TRIM67: variants seen among roughly 807,000 people sequenced by gnomAD.
The protein encoded by TRIM67 is tripartite motif containing 67.
In TRIM67, 39 loss-of-function variants were observed where a neutral mutation model predicts 71.0. That is an observed-to-expected ratio of 0.55 (90% CI 0.43 to 0.72). The LOEUF (loss-of-function observed/expected upper bound fraction) is 0.72. Ranked by LOEUF, TRIM67 falls within the 30% of genes least tolerant of loss-of-function variation. The probability of loss-of-function intolerance (pLI) is 0.00; values close to 1 mark genes in which losing one functional copy is unlikely to be tolerated. For missense variants in TRIM67, 973 were observed against 1,079.2 expected, an observed-to-expected ratio of 0.90 and a Z score of 1.38; for synonymous variants, 481 against 473.9, an observed-to-expected ratio of 1.01 and a Z score of -0.19.
chr1:231,187,873 T>C lies in TRIM67; in HGVS notation c.1045-9498T>C, dbSNP rs191751049. 2.0e-5 allele frequency among the ~76,000 whole-genome samples: 3 copies of C among 152,278 alleles called. No individual in the cohort carries two copies. In the East Asian group the frequency reaches 5.8e-4, roughly 29 times the overall value. ...TGGGAACAAGAAAGTAGCTCAGCAC[T>C]CCAGACGCCTAAGATGAAAGCTTGG... On this transcript the variant is annotated intron_variant, in intron 1 of 9. Coordinates refer to ENST00000366653, the MANE Select transcript of TRIM67 (RefSeq NM_001004342.5).
At position 231,219,444 on chromosome 1, in the gene TRIM67, T is replaced by G; in HGVS notation, c.*4004T>G. 2 of 1,042,016 alleles carry G rather than the reference T, an allele frequency of 1.9e-6. No homozygotes were observed. The highest frequency in any genetic ancestry group is 2.3e-6 in the Non-Finnish European group (2 of 865,074). The allele number at this position is 1,042,016 out of a possible 1,614,324, so 64.5% of individuals were successfully genotyped here. A position where few individuals can be genotyped will look rare whatever the true frequency, so the allele number is the denominator to read the frequency against. On this transcript the variant is annotated 3_prime_UTR_variant, in exon 10 of 10. Coordinates refer to ENST00000366653, the MANE Select transcript of TRIM67 (RefSeq NM_001004342.5). ...CTTTGTTCCATAGAAAGCCTGTATG[T>G]GACAAAGCTGCCAGCCTTTATCTTG...
chr1:231,180,846 C>T (rs1393552262), intron 1 of TRIM67, among the ~76,000 whole-genome samples: 1 of 152,172 alleles, frequency 6.6e-6, no homozygotes, highest in Non-Finnish European at 1.5e-5. Flanking sequence ...TCTGCTGTCC[C>T]TCTGGGAGAA....
chr1:231,163,856 C>G lies in TRIM67; in HGVS notation c.887C>G (p.Thr296Arg). The change falls in exon 1 of 10, where the codon ACG becomes AGG. Residue 296 changes from threonine to arginine, a missense_variant. By Grantham distance (71) the Thr-to-Arg change is moderately conservative. This residue lies in a region of TRIM67 where 795 missense variants were observed against 831.3 expected (regional missense o/e 0.96). Coordinates refer to ENST00000366653, the MANE Select transcript of TRIM67 (RefSeq NM_001004342.5). ...GGGGCGGGGGCGACTGGGGGCAGCACGGCCCGCAAGTTCCCCACGTGTCCC... is the reference window on the plus strand; with the variant it reads ...GGGGCGGGGGCGACTGGGGGCAGCAGGGCCCGCAAGTTCCCCACGTGTCCC... ...GAGAGATGGSTARKFPTCPEH... is the reference protein window; with the variant it reads ...GAGAGATGGSRARKFPTCPEH... 6.4e-7 allele frequency: 1 copy of G among 1,561,082 alleles called. No homozygotes were observed. Among genetic ancestry groups the G allele is most frequent in the Non-Finnish European group, 8.7e-7 (1 of 1,153,536 alleles).
intron 1 of TRIM67, chr1:231,187,390 T>C: frequency 1.1e-6 from 1 of 887,510 alleles, no homozygotes; most frequent in Non-Finnish European, 1.6e-6. Context: ...GCCTCTACCT[T>C]TTAATTTTTT....
At chr1:231,175,516 T>C (rs1682722991) in intron 1 of TRIM67, among the ~76,000 whole-genome samples, 1 of 152,220 alleles carries the variant, frequency 6.6e-6, no homozygotes, top group South Asian at 2.1e-4. Flanking sequence ...CATCCACATA[T>C]TGGGCCAGTT....
chr1:231,193,219 G>A (rs193078198), intron 1 of TRIM67, among the ~76,000 whole-genome samples: 30 of 152,306 alleles, frequency 2.0e-4, no homozygotes, highest in African/African-American at 6.0e-4. Flanking sequence ...TTATTCAGCC[G>A]GGGAGCATTC....
intron 9 of TRIM67, 138 bp from the exon 10 acceptor site, chr1:231,215,237 T>A: frequency 7.7e-7 from 1 of 1,304,986 alleles, no homozygotes; most frequent in Non-Finnish European, 1.0e-6. Flanking sequence ...TATTCAACAG[T>A]CCACAGCAGC....
chr1:231,210,502 C>G (rs913019864), intron 8 of TRIM67, among the ~76,000 whole-genome samples: 3 of 151,226 alleles, frequency 2.0e-5, no homozygotes, highest in Non-Finnish European at 4.4e-5. Context: ...TGCCTCTGCC[C>G]GGACACTGCA....
At position 231,216,992 on chromosome 1, in the gene TRIM67, T is replaced by G; in HGVS notation, c.*1552T>G. On this transcript the variant is annotated 3_prime_UTR_variant, in exon 10 of 10. Coordinates refer to ENST00000366653, the MANE Select transcript of TRIM67 (RefSeq NM_001004342.5). ...GAAGTGACTTGTCAATTTGCTGGACTGGATTTTTATAAAATTCGCCCATTC... is the reference window on the plus strand; with the variant it reads ...GAAGTGACTTGTCAATTTGCTGGACGGGATTTTTATAAAATTCGCCCATTC... 1.0e-6 allele frequency: 1 copy of G among 985,914 alleles called. No homozygotes were observed. Among genetic ancestry groups the G allele is most frequent in the South Asian group, 4.7e-5 (1 of 21,290 alleles). 61.1% of individuals were successfully genotyped at this position (985,914 alleles called of 1,614,324 possible). A position where few individuals can be genotyped will look rare whatever the true frequency, so the allele number is the denominator to read the frequency against.
rs373338260 is a variant in TRIM67 at position 231,209,833 on chromosome 1, G to A, written c.2123+583G>A. ...GGCTTTGCCCTGAGACTGGCCCTGGGAGTAGGGTCACCAGCATGGACACAG... is the reference window on the plus strand; with the variant it reads ...GGCTTTGCCCTGAGACTGGCCCTGGAAGTAGGGTCACCAGCATGGACACAG... On this transcript the variant is annotated intron_variant, in intron 8 of 9. Transcript: ENST00000366653. The surrounding 1 kb of genome is among the most constrained non-coding windows in gnomAD (Gnocchi z 4.1). Among the ~76,000 whole-genome samples the A allele has an allele frequency of 6.6e-6, 1 of 152,188 alleles. No homozygotes were observed. Among genetic ancestry groups the A allele is most frequent in the East Asian group, 1.9e-4 (1 of 5,190 alleles).
In TRIM67 at chr1:231,203,860, C is replaced by T. The variant is rs1291415482; in HGVS notation, c.1535-7C>T. 3 of 1,612,218 alleles carry T rather than the reference C, an allele frequency of 1.9e-6. No homozygotes were observed. The highest frequency in any genetic ancestry group is 2.2e-5 in the South Asian group (2 of 90,874). On this transcript the variant is annotated splice_region_variant and splice_polypyrimidine_tract_variant and intron_variant, in intron 5 of 9. Coordinates refer to ENST00000366653, the MANE Select transcript of TRIM67 (RefSeq NM_001004342.5). ...CCTGCGCTAACTCATGTGTGTCCCC[C>T]TCGCAGTGCCACCCGTCCCCCTACT...
chr1:231,190,143 A>C (rs1439793738), intron 1 of TRIM67, among the ~76,000 whole-genome samples: 1 of 152,194 alleles, frequency 6.6e-6, no homozygotes, highest in Admixed American at 6.5e-5. Flanking sequence ...CTGGGGATTC[A>C]GGGAAAGGCA....
At position 231,209,728 on chromosome 1, in the gene TRIM67, G is replaced by A. The variant is rs943752663; in HGVS notation, c.2123+478G>A. On this transcript the variant is annotated intron_variant, in intron 8 of 9. Coordinates refer to ENST00000366653, the MANE Select transcript of TRIM67 (RefSeq NM_001004342.5). This position sits in a 1 kb window ranked among gnomAD's most constrained non-coding sequence, Gnocchi z 4.1. ...TGTGGGCTTGAGCCTCGGCAGGGCCGGGCCCTTGACAGGGCAGTAGCAGAG... is the reference window on the plus strand; with the variant it reads ...TGTGGGCTTGAGCCTCGGCAGGGCCAGGCCCTTGACAGGGCAGTAGCAGAG... 2.0e-5 allele frequency among the ~76,000 whole-genome samples: 3 copies of A among 152,184 alleles called. No individual in the cohort carries two copies. Among genetic ancestry groups the A allele is most frequent in the Non-Finnish European group, 4.4e-5 (3 of 68,028 alleles).
chr1:231,195,571 T>A (rs1281791236), intron 1 of TRIM67, among the ~76,000 whole-genome samples: 1 of 152,190 alleles, frequency 6.6e-6, no homozygotes, highest in Non-Finnish European at 1.5e-5. Context: ...CCTCCGCTGA[T>A]CCTTAGCCTA....
rs985606891 is a variant in TRIM67, at chr1:231,209,871, C to G, written c.2123+621C>G. Reference sequence around the variant, plus strand: ...AGCATGGACACAGGAGACTCAGGTCCTGGCCTGTGAAACTACTGGGACCTC... The same window carrying G: ...AGCATGGACACAGGAGACTCAGGTCGTGGCCTGTGAAACTACTGGGACCTC... On this transcript the variant is annotated intron_variant, in intron 8 of 9. Transcript: ENST00000366653. This position sits in a 1 kb window ranked among gnomAD's most constrained non-coding sequence, Gnocchi z 4.1. Among the ~76,000 whole-genome samples, 2 of 152,174 alleles carry G rather than the reference C, an allele frequency of 1.3e-5. No homozygotes were observed. The highest frequency in any genetic ancestry group is 2.4e-5 in the African/African-American group (1 of 41,448).
At chr1:231,215,285 G>T (rs559606347) in intron 9 of TRIM67, 90 bp from the exon 10 acceptor site, 5 of 1,510,080 alleles carry the variant, frequency 3.3e-6, no homozygotes, top group Non-Finnish European at 4.5e-6. Context: ...AGCCAGCAGG[G>T]GATCCTGCCG....
At chr1:231,214,472 G>A (rs532289029) in intron 9 of TRIM67, among the ~76,000 whole-genome samples, 2 of 152,202 alleles carry the variant, frequency 1.3e-5, no homozygotes, top group Admixed American at 1.3e-4. Context: ...AGGGATTTGT[G>A]GCAACCTAAA....
chr1:231,162,805 A>C lies in TRIM67; in HGVS notation c.-165A>C, dbSNP rs2102705739. 1 of 856,852 alleles carries C rather than the reference A, an allele frequency of 1.2e-6. No homozygotes were observed. Among genetic ancestry groups the C allele is most frequent in the Non-Finnish European group, 1.7e-6 (1 of 575,258 alleles). 53.1% of individuals were successfully genotyped at this position (856,852 alleles called of 1,614,324 possible). A position where few individuals can be genotyped will look rare whatever the true frequency, so the allele number is the denominator to read the frequency against. On this transcript the variant is annotated 5_prime_UTR_variant, in exon 1 of 10. Coordinates refer to ENST00000366653, the MANE Select transcript of TRIM67 (RefSeq NM_001004342.5). ...TCAATCATCTTAGGGCGGTGGCTAC[A>C]GGACAGAGAGAGGGGCGTGCCCCTC...
Position 231,183,938 on chromosome 1 carries a change from C to T in TRIM67, c.1045-13433C>T, listed in dbSNP as rs534832320. ...GGCTTCCCCAAGTGTGAAGAAGCAG[C>T]ATATACAGGAATGCTCTGATAGCAG... On this transcript the variant is annotated intron_variant, in intron 1 of 9. Coordinates refer to ENST00000366653, the MANE Select transcript of TRIM67 (RefSeq NM_001004342.5). Among the ~76,000 whole-genome samples, 14 of 152,230 alleles carry T rather than the reference C, an allele frequency of 9.2e-5. No individual in the cohort carries two copies. In the South Asian group the frequency reaches 2.9e-3, roughly 32 times the overall value.
Sources: gnomAD v4.1 joint callset for allele counts (sites outside exome capture counted in the v4.1 genomes callset) on GRCh38, gnomAD v4.1.1 for gene constraint, gnomAD v4.1.1 regional missense constraint, Gnocchi (gnomAD v3.1) non-coding constraint, MANE v1.5 for transcripts, NCBI Gene and HGNC (gene_info 2026-07-23, HGNC 2026-07-21) for gene names.